Variants in RFTN2 observed in about 807,000 individuals in gnomAD.
RFTN2 encodes the protein raftlin-2.
A neutral mutation model predicts 52.7 loss-of-function variants in RFTN2; 34 were observed. The ratio of observed to expected loss-of-function variants is 0.64; its 90% CI spans 0.49 to 0.86. The LOEUF (loss-of-function observed/expected upper bound fraction) is 0.86, where lower values mean the gene tolerates loss of function less well. Ranked by LOEUF, RFTN2 falls within the 40% of genes least tolerant of loss-of-function variation. The pLI is 0.00. For missense variants in RFTN2, 536 were observed against 600.1 expected (o/e 0.89, Z 1.12); for synonymous variants, 203 against 217.7 (o/e 0.93, Z 0.59).
chr2:197,637,100 A>G (rs1372870256), intron 3 of RFTN2, among the ~76,000 whole-genome samples: 3 of 150,016 alleles, frequency 2.0e-5, no homozygotes, highest in Non-Finnish European at 4.5e-5. Flanking sequence ...CCACTTGATC[A>G]TGGTGGATAA....
intron 1 of RFTN2, among the ~76,000 whole-genome samples, chr2:197,666,013 A>T (rs2089052640): frequency 6.6e-6 from 1 of 151,006 alleles, no homozygotes; most frequent in African/African-American, 2.4e-5. Flanking sequence ...ACTCCCTTGA[A>T]CATTTCTCAT....
At chr2:197,668,461 C>T (rs956111585) in intron 1 of RFTN2, among the ~76,000 whole-genome samples, 1 of 152,116 alleles carries the variant, frequency 6.6e-6, no homozygotes, top group Admixed American at 6.5e-5. Flanking sequence ...ATATGTGATG[C>T]TTGTGCCTCG....
intron 2 of RFTN2, 35 bp from the exon 3 acceptor site, chr2:197,644,307 C>A: frequency 8.6e-7 from 1 of 1,165,204 alleles, no homozygotes; most frequent in African/African-American, 1.5e-5. Flanking sequence ...GGTTGGAGGC[C>A]AATTGCTGCT....
At chr2:197,642,250 C>T (rs1479208771) in intron 3 of RFTN2, among the ~76,000 whole-genome samples, 3 of 152,258 alleles carry the variant, frequency 2.0e-5, no homozygotes, top group East Asian at 1.9e-4. Context: ...CAAGTGAACA[C>T]ATTTCAGTTT....
chr2:197,617,779 T>G, intron 6 of RFTN2, 21 bp downstream of exon 6: 1 of 1,302,378 alleles, frequency 7.7e-7, no homozygotes, highest in Non-Finnish European at 1.0e-6. Context: ...AAAGCTAAAT[T>G]GTCAGAAAAC....
At chr2:197,584,634 T>G (rs1420755642) in intron 8 of RFTN2, among the ~76,000 whole-genome samples, 1 of 152,214 alleles carries the variant, frequency 6.6e-6, no homozygotes, top group Non-Finnish European at 1.5e-5. Flanking sequence ...ATTTGTCAAT[T>G]TTGGCTTTTG....
At chr2:197,574,339 G>A (rs755057338) in intron 8 of RFTN2, among the ~76,000 whole-genome samples, 4 of 152,194 alleles carry the variant, frequency 2.6e-5, no homozygotes, top group Non-Finnish European at 4.4e-5. Context: ...GATAATTTTA[G>A]AGCTTTAAGA....
intron 1 of RFTN2, among the ~76,000 whole-genome samples, chr2:197,669,446 A>G (rs1015097396): frequency 4.6e-5 from 7 of 151,960 alleles, no homozygotes; most frequent in Non-Finnish European, 1.0e-4. Context: ...AAAGACACAA[A>G]ACATGCTTAA....
chr2:197,662,294 G>A (rs896658396), intron 1 of RFTN2, among the ~76,000 whole-genome samples: 1 of 152,068 alleles, frequency 6.6e-6, no homozygotes, highest in Non-Finnish European at 1.5e-5. Context: ...TCCAGTTTGA[G>A]TTGATTTTTG....
intron 3 of RFTN2, among the ~76,000 whole-genome samples, chr2:197,642,458 T>G (rs2088688311): frequency 6.6e-6 from 1 of 152,246 alleles, no homozygotes; most frequent in African/African-American, 2.4e-5. Flanking sequence ...AAGTTTCAAT[T>G]AAGTTATATT....
Position 197,675,514 on chromosome 2 carries a change from T to C in RFTN2, c.-56A>G. On this transcript the variant is annotated 5_prime_UTR_variant, in exon 1 of 9. Transcript: ENST00000295049. ...AAAGGGGAGGGAGAGCAGCAAATTC[T>C]GTTGTTTAAGCTGCAAAAAGAAAGT... 1 of 1,360,408 alleles carries C rather than the reference T, an allele frequency of 7.4e-7. No individual in the cohort carries two copies. The highest frequency in any genetic ancestry group is 9.7e-7 in the Non-Finnish European group (1 of 1,031,382). The allele number at this position is 1,360,408 out of a possible 1,614,324, so 84.3% of individuals were successfully genotyped here.
intron 8 of RFTN2, among the ~76,000 whole-genome samples, chr2:197,584,632 AT>A (rs1414389829): frequency 6.6e-6 from 1 of 152,056 alleles, no homozygotes; most frequent in Non-Finnish European, 1.5e-5. Context: ...CCATTTGTCA[AT>A]TTTGGCTTTT....
At chr2:197,587,526 C>T (rs946139204) in intron 8 of RFTN2, among the ~76,000 whole-genome samples, 1 of 151,902 alleles carries the variant, frequency 6.6e-6, no homozygotes, top group African/African-American at 2.4e-5. Flanking sequence ...CCTTGTGACC[C>T]CCCACCCCTG....
In RFTN2 at chr2:197,572,220, C is replaced by G. The variant is rs780984873; in HGVS notation, c.1294G>C (p.Gly432Arg). ...DKNKATSRSI[G>R]LDTTSSQPAE... ...GGTTGTGACGAGGTTGTGTCTAATC[C>G]GATGCTTCTACTAGTGGCTTTATTC... Residue 432 changes from glycine (G) to arginine (R), a missense_variant, in exon 9 of 9, where the codon GGA becomes CGA. Gly to Arg is a moderately radical substitution (Grantham distance 125). Coordinates refer to ENST00000295049, the MANE Select transcript of RFTN2 (RefSeq NM_144629.3). 2 of 1,614,104 alleles carry G rather than the reference C, an allele frequency of 1.2e-6. No individual in the cohort carries two copies. Among genetic ancestry groups the G allele is most frequent in the African/African-American group, 2.7e-5 (2 of 74,956 alleles).
At chr2:197,634,351 T>G (rs536307533) in intron 3 of RFTN2, among the ~76,000 whole-genome samples, 1 of 152,142 alleles carries the variant, frequency 6.6e-6, no homozygotes, top group East Asian at 1.9e-4. Flanking sequence ...TAAAACCTAT[T>G]CCAAGAAATT....
chr2:197,648,695 T>A lies in RFTN2; in HGVS notation c.140-2029A>T, dbSNP rs114974588. Reference sequence around the variant, plus strand: ...GTCTTAGTGTAATACAAAAGAATCTTCATAGTCTGGCCTCTGCCTCTTGAT... The same window carrying A: ...GTCTTAGTGTAATACAAAAGAATCTACATAGTCTGGCCTCTGCCTCTTGAT... On this transcript the variant is annotated intron_variant, in intron 1 of 8. Coordinates refer to ENST00000295049, the MANE Select transcript of RFTN2 (RefSeq NM_144629.3). Among the ~76,000 whole-genome samples the A allele has an allele frequency of 4.7e-3, 723 of 152,370 alleles. 9 individuals are homozygous for A. The highest frequency in any genetic ancestry group is 0.016 in the African/African-American group (677 of 41,594).
chr2:197,571,908 CA>C lies in RFTN2; in HGVS notation c.*99del, dbSNP rs1219526294. ...AGGAAAGGCTGGGTCTGGAAAAATT[CA>C]AAAATATTACATAAATGCAGAGAAA... On this transcript the variant is annotated 3_prime_UTR_variant, in exon 9 of 9. Transcript: ENST00000295049. The C allele has an allele frequency of 3.0e-6, 4 of 1,334,850 alleles. No homozygotes were observed. The highest frequency in any genetic ancestry group is 2.3e-5 in the East Asian group (1 of 42,578). The allele number at this position is 1,334,850 out of a possible 1,614,324, so 82.7% of individuals were successfully genotyped here.
rs977958197 is a variant in RFTN2 at position 197,637,223 on chromosome 2, C to T, written c.439-3226G>A. The stretch of plus-strand genomic sequence containing the variant: ...TCTCTTTTTTGGTTGTGTCTCTGCC[C>T]GGCTTTGGTATCAGAATGATGCTAG... On this transcript the variant is annotated intron_variant, in intron 3 of 8. Coordinates refer to ENST00000295049, the MANE Select transcript of RFTN2 (RefSeq NM_144629.3). 3.2e-4 allele frequency among the ~76,000 whole-genome samples: 49 copies of T among 151,606 alleles called. 1 individual carries two copies. The highest frequency in any genetic ancestry group is 2.9e-3 in the East Asian group (15 of 5,180).
At chr2:197,638,151 A>C (rs1348837490) in intron 3 of RFTN2, among the ~76,000 whole-genome samples, 3 of 142,130 alleles carry the variant, frequency 2.1e-5, no homozygotes, top group Non-Finnish European at 4.6e-5. Context: ...GGAGAGCTTT[A>C]CTTCCAACTA....
Sources: gnomAD v4.1 joint callset for allele counts (sites outside exome capture counted in the v4.1 genomes callset) on GRCh38, gnomAD v4.1.1 for gene constraint, MANE v1.5 for transcripts, NCBI Gene and HGNC (gene_info 2026-07-23, HGNC 2026-07-21) for gene names.